The following NAALADL2 variants were observed in gnomAD, a reference collection of about 807,000 sequenced individuals.
The protein encoded by NAALADL2 is inactive N-acetylated-alpha-linked acidic dipeptidase-like protein 2.
In NAALADL2, 76 loss-of-function variants were observed where a neutral mutation model predicts 87.2. That is an observed-to-expected ratio of 0.87 (90% CI 0.72 to 1.05). The LOEUF (loss-of-function observed/expected upper bound fraction) is 1.05. Among genes scored for constraint, NAALADL2 ranks in the 50% least tolerant of loss-of-function variants. The probability of loss-of-function intolerance (pLI) is 0.00; values close to 1 mark genes in which losing one functional copy is unlikely to be tolerated. For missense variants in NAALADL2, 1,089 were observed against 945.8 expected, an observed-to-expected ratio of 1.15 and a Z score of -1.99; for synonymous variants, 354 against 331.0, an observed-to-expected ratio of 1.07 and a Z score of -0.75.
At chr3:174,655,291 G>A (rs942294928) in intron 2 of NAALADL2, among the ~76,000 whole-genome samples, 11 of 151,538 alleles carry the variant, frequency 7.3e-5, no homozygotes, top group African/African-American at 2.7e-4. Context: ...AGCCACCACC[G>A]TAAACTAGAT....
At chr3:175,172,859 T>C (rs889510297) in intron 2 of NAALADL2, among the ~76,000 whole-genome samples, 5 of 152,166 alleles carry the variant, frequency 3.3e-5, no homozygotes, top group African/African-American at 1.2e-4. Flanking sequence ...TGTTTTCACT[T>C]AAGGACCTTG....
chr3:174,780,540 G>T (rs965331767), intron 3 of NAALADL2, among the ~76,000 whole-genome samples: 17 of 152,126 alleles, frequency 1.1e-4, no homozygotes, highest in African/African-American at 4.1e-4. Context: ...TGGTGAGAGA[G>T]GCCATCCTTG....
intron 1 of NAALADL2, among the ~76,000 whole-genome samples, chr3:174,966,912 A>G (rs1004021879): frequency 2.6e-5 from 4 of 152,192 alleles, no homozygotes; most frequent in African/African-American, 9.6e-5. Context: ...TCCCCCAGAA[A>G]GGAAAATAAG....
chr3:175,244,859 T>G (rs1301766375), intron 3 of NAALADL2, among the ~76,000 whole-genome samples: 1 of 152,190 alleles, frequency 6.6e-6, no homozygotes, highest in Non-Finnish European at 1.5e-5. Flanking sequence ...CTTTGGGGCA[T>G]GTCAGCATTG....
At chr3:175,564,880 T>G (rs1716859748) in intron 9 of NAALADL2, among the ~76,000 whole-genome samples, 1 of 152,208 alleles carries the variant, frequency 6.6e-6, no homozygotes, top group South Asian at 2.1e-4. Flanking sequence ...GATTTGTCAT[T>G]CTATATGTAG....
chr3:175,175,530 A>G (rs961789584), intron 2 of NAALADL2, among the ~76,000 whole-genome samples: 2 of 152,004 alleles, frequency 1.3e-5, no homozygotes, highest in African/African-American at 4.8e-5. Context: ...AATTTCATAT[A>G]ATTTTATATT....
intron 11 of NAALADL2, among the ~76,000 whole-genome samples, chr3:175,652,686 G>A (rs1730944813): frequency 2.0e-5 from 3 of 151,980 alleles, no homozygotes; most frequent in Admixed American, 2.0e-4. Context: ...CACCATGTTA[G>A]CCAGGATGGT....
rs112831016 is a variant in NAALADL2, at chr3:175,111,841, T to C, written c.545+14550T>C. Among the ~76,000 whole-genome samples the C allele has an allele frequency of 9.4e-3, 1,422 of 151,758 alleles. 25 individuals are homozygous for C. Among genetic ancestry groups the C allele is most frequent in the African/African-American group, 0.032 (1,344 of 41,472 alleles). ...TTTTGGTACGGGCATTTCATGTTAT[T>C]GTGAAGACTTGAAATCGGGGGAATT... On this transcript the variant is annotated intron_variant, in intron 2 of 13. Coordinates refer to ENST00000454872, the MANE Select transcript of NAALADL2 (RefSeq NM_207015.3).
intron 5 of NAALADL2, among the ~76,000 whole-genome samples, chr3:175,371,362 G>C (rs1766472521): frequency 6.6e-6 from 1 of 151,952 alleles, no homozygotes; most frequent in Non-Finnish European, 1.5e-5. Flanking sequence ...CCGCCCCCCG[G>C]GTTCTCGCCG....
intron 3 of NAALADL2, among the ~76,000 whole-genome samples, chr3:174,760,878 T>A (rs555013431): frequency 6.6e-6 from 1 of 152,378 alleles, no homozygotes; most frequent in African/African-American, 2.4e-5. Context: ...CCAACTTTTA[T>A]TCTTTGTGAT....
chr3:175,254,227 C>T lies in NAALADL2; in HGVS notation c.820-2184C>T, dbSNP rs186347413. 1.6e-4 allele frequency among the ~76,000 whole-genome samples: 25 copies of T among 152,272 alleles called. No individual in the cohort carries two copies. In the East Asian group the frequency reaches 4.8e-3, roughly 29 times the overall value. ...TTATTTTAAGAAATTACCAAAGCCA[C>T]CCTAACCTTTAGCAACTGTGACCCT... On this transcript the variant is annotated intron_variant, in intron 3 of 13. Coordinates refer to ENST00000454872, the MANE Select transcript of NAALADL2 (RefSeq NM_207015.3).
intron 2 of NAALADL2, among the ~76,000 whole-genome samples, chr3:174,568,169 A>G (rs1560061395): frequency 6.6e-6 from 1 of 151,756 alleles, no homozygotes; most frequent in Admixed American, 6.6e-5. Flanking sequence ...ATACTAATCT[A>G]TTTTTCTGTC....
intron 4 of NAALADL2, among the ~76,000 whole-genome samples, chr3:175,321,169 A>T (rs1759807246): frequency 1.4e-5 from 2 of 147,342 alleles, no homozygotes; most frequent in Non-Finnish European, 3.0e-5. Context: ...CTGGGATGCA[A>T]GGCTGGTTCA....
chr3:175,065,999 C>T (rs189807548), intron 1 of NAALADL2, among the ~76,000 whole-genome samples: 7 of 152,222 alleles, frequency 4.6e-5, no homozygotes, highest in Non-Finnish European at 7.4e-5. Context: ...GGATGTATAA[C>T]GGGAACAGTG....
chr3:175,791,329 C>T (rs1752751571), intron 13 of NAALADL2, among the ~76,000 whole-genome samples: 1 of 152,030 alleles, frequency 6.6e-6, no homozygotes, highest in African/African-American at 2.4e-5. Context: ...GGGTGAGTCC[C>T]CTGTGAGCTT....
intron 1 of NAALADL2, 107 bp downstream of exon 1, chr3:174,859,557 A>C: frequency 1.2e-6 from 1 of 848,744 alleles, no homozygotes; most frequent in Non-Finnish European, 1.9e-6. Flanking sequence ...GCATCCCTGC[A>C]TGCATGTTCA....
intron 2 of NAALADL2, among the ~76,000 whole-genome samples, chr3:175,190,250 A>T (rs1737946026): frequency 6.6e-6 from 1 of 152,114 alleles, no homozygotes; most frequent in Admixed American, 6.6e-5. Context: ...TAGCAAAGGA[A>T]ACAACAGAAT....
chr3:174,819,617 G>T (rs1441918922), intron 3 of NAALADL2, among the ~76,000 whole-genome samples: 2 of 151,996 alleles, frequency 1.3e-5, no homozygotes, highest in Non-Finnish European at 2.9e-5. Context: ...GCTTTTTGAT[G>T]CAGCCCATTA....
chr3:175,794,156 TATTA>T (rs1198990459), intron 13 of NAALADL2, among the ~76,000 whole-genome samples: 1 of 152,174 alleles, frequency 6.6e-6, no homozygotes, highest in Non-Finnish European at 1.5e-5. Flanking sequence ...TGCATCTTTA[TATTA>T]ATTGTCAAAA....
Sources: gnomAD v4.1 joint callset for allele counts (sites outside exome capture counted in the v4.1 genomes callset) on GRCh38, gnomAD v4.1.1 for gene constraint, MANE v1.5 for transcripts, NCBI Gene and HGNC (gene_info 2026-07-23, HGNC 2026-07-21) for gene names.